The following KIRREL3 variants were observed in gnomAD, a reference collection of about 807,000 sequenced individuals.
The protein encoded by KIRREL3 is kin of IRRE-like protein 3.
In KIRREL3, 36 loss-of-function variants were observed where a neutral mutation model predicts 89.7. That is an observed-to-expected ratio of 0.40 (90% confidence interval 0.31 to 0.53). KIRREL3 has a LOEUF of 0.53. Among genes scored for constraint, KIRREL3 ranks in the 20% least tolerant of loss-of-function variants. The pLI is 0.49. For missense variants in KIRREL3, 864 were observed against 1,056.6 expected, an observed-to-expected ratio of 0.82 and a Z score of 2.53; for synonymous variants, 445 against 441.4, an observed-to-expected ratio of 1.01 and a Z score of -0.10.
intron 1 of KIRREL3, among the ~76,000 whole-genome samples, chr11:126,631,905 C>T (rs934642946): frequency 2.6e-5 from 4 of 152,290 alleles, no homozygotes; most frequent in Non-Finnish European, 5.9e-5. Context: ...CCTTGCCTCA[C>T]TTTTCTCATT....
In KIRREL3 at chr11:126,561,779, T is replaced by C. The variant is rs148685131; in HGVS notation, c.133+1056A>G. On this transcript the variant is annotated intron_variant, in intron 2 of 16. Coordinates refer to ENST00000525144, the MANE Select transcript of KIRREL3 (RefSeq NM_032531.4). The surrounding 1 kb of genome is among the most constrained non-coding windows in gnomAD (Gnocchi z 4.5). ...CCTAACTCTTGTCAGATTGTCACCA[T>C]GATGGGTGCTGGAAACAGGTCCACA... is the stretch of plus-strand genomic sequence containing the variant. Among the ~76,000 whole-genome samples, 54 of 152,264 alleles carry C rather than the reference T, an allele frequency of 3.5e-4. No homozygotes were observed. Among genetic ancestry groups the C allele is most frequent in the Middle Eastern group, 3.4e-3 (1 of 294 alleles).
In KIRREL3 at chr11:126,445,055, G is replaced by A. The variant is rs373178047; in HGVS notation, c.1176C>T (p.Asp392=). ...TLTLKSVRQE[D]AGKYVCRAVV... ...CAGCCCGGCACACGTACTTGCCCGC[G>A]TCCTCCTGGCGCACGGATTTGAGGG... Residue 392 remains aspartate (D), a synonymous_variant, in exon 10 of 17, where the codon GAC becomes GAT. Coordinates refer to ENST00000525144, the MANE Select transcript of KIRREL3 (RefSeq NM_032531.4). 5.1e-5 allele frequency: 83 copies of A among 1,613,864 alleles called. No homozygotes were observed. The Admixed American group carries it at 1.2e-3, about 23-fold the overall frequency.
In KIRREL3 at chr11:126,773,460, C is replaced by T. The variant is rs1950079689; in HGVS notation, c.56-210548G>A. ...CCCTGCAGATTTTGGACTTACCAGT[C>T]TCCATCGTTGTGTGAGCCAGTCCCT... is the stretch of plus-strand genomic sequence containing the variant. On this transcript the variant is annotated intron_variant, in intron 1 of 16. Transcript: ENST00000525144. This position sits in a 1 kb window ranked among gnomAD's most constrained non-coding sequence, Gnocchi z 4.2. Among the ~76,000 whole-genome samples the T allele has an allele frequency of 6.6e-6, 1 of 152,198 alleles. No individual in the cohort carries two copies. Among genetic ancestry groups the T allele is most frequent in the South Asian group, 2.1e-4 (1 of 4,834 alleles).
chr11:126,915,769 T>A (rs1947013560), intron 1 of KIRREL3, among the ~76,000 whole-genome samples: 2 of 152,218 alleles, frequency 1.3e-5, no homozygotes, highest in African/African-American at 2.4e-5. Context: ...AGTCAACCCA[T>A]TCTTTGTTAT....
In KIRREL3 at chr11:126,867,920, A is replaced by G. The variant is rs2134652084; in HGVS notation, c.55+132535T>C. Among the ~76,000 whole-genome samples the G allele has an allele frequency of 6.6e-6, 1 of 152,162 alleles. No homozygotes were observed. The highest frequency in any genetic ancestry group is 1.9e-4 in the East Asian group (1 of 5,168). On this transcript the variant is annotated intron_variant, in intron 1 of 16. Coordinates refer to ENST00000525144, the MANE Select transcript of KIRREL3 (RefSeq NM_032531.4). This position sits in a 1 kb window ranked among gnomAD's most constrained non-coding sequence, Gnocchi z 4.7. ...ATATCTGTATCCCCTACAGCACCTA[A>G]CCTCAGAGCTAGACATGCAATAGGC...
In KIRREL3 at chr11:126,437,033, A is replaced by G. The variant is rs1474355654; in HGVS notation, c.1354-24T>C. On this transcript the variant is annotated intron_variant, in intron 11 of 16. Transcript: ENST00000525144. ...GCCTGCCCGGGGGCGCAGAATCAGGAGGAGACCCCACCAGAGGGGCCCAGG... is the reference window on the plus strand; with the variant it reads ...GCCTGCCCGGGGGCGCAGAATCAGGGGGAGACCCCACCAGAGGGGCCCAGG... 2.7e-6 allele frequency: 4 copies of G among 1,495,472 alleles called. No homozygotes were observed. In the South Asian group the frequency reaches 4.0e-5, roughly 15 times the overall value. 92.6% of individuals were successfully genotyped at this position (1,495,472 alleles called of 1,614,324 possible).
At position 126,744,062 on chromosome 11, in the gene KIRREL3, G is replaced by A. The variant is rs188402082; in HGVS notation, c.56-181150C>T. Among the ~76,000 whole-genome samples, 775 of 152,256 alleles carry A rather than the reference G, an allele frequency of 5.1e-3. 6 individuals are homozygous for A. The highest frequency in any genetic ancestry group is 0.017 in the African/African-American group (707 of 41,528). ...AATTTTGATAAGCAGAAAAGAAGAGGAGCAGAAAATGTTCCAGAAAGTTGG... is the reference window on the plus strand; with the variant it reads ...AATTTTGATAAGCAGAAAAGAAGAGAAGCAGAAAATGTTCCAGAAAGTTGG... On this transcript the variant is annotated intron_variant, in intron 1 of 16. Transcript: ENST00000525144. This position sits in a 1 kb window ranked among gnomAD's most constrained non-coding sequence, Gnocchi z 4.7.
chr11:126,571,758 G>A lies in KIRREL3; in HGVS notation c.56-8846C>T, dbSNP rs1356700184. The stretch of plus-strand genomic sequence containing the variant: ...TTCCAGTATAATCCGTTTGTGAGAG[G>A]GGTGGGGCGGGGGGATGTTAAATAA... On this transcript the variant is annotated intron_variant, in intron 1 of 16. Coordinates refer to ENST00000525144, the MANE Select transcript of KIRREL3 (RefSeq NM_032531.4). The surrounding 1 kb of genome is among the most constrained non-coding windows in gnomAD (Gnocchi z 7.7). Among the ~76,000 whole-genome samples, 2 of 152,184 alleles carry A rather than the reference G, an allele frequency of 1.3e-5. No homozygotes were observed. Among genetic ancestry groups the A allele is most frequent in the African/African-American group, 2.4e-5 (1 of 41,452 alleles).
intron 1 of KIRREL3, among the ~76,000 whole-genome samples, chr11:126,702,969 C>A (rs988512229): frequency 6.6e-6 from 1 of 152,242 alleles, no homozygotes; most frequent in Non-Finnish European, 1.5e-5. Flanking sequence ...TCTGGCTGGG[C>A]CCCTGAGGGC....
chr11:126,984,235 T>C (rs1395439689), intron 1 of KIRREL3, among the ~76,000 whole-genome samples: 1 of 152,176 alleles, frequency 6.6e-6, no homozygotes, highest in Non-Finnish European at 1.5e-5. Flanking sequence ...AGGTATTCTC[T>C]CTGGAGATTC....
intron 1 of KIRREL3, among the ~76,000 whole-genome samples, chr11:126,853,304 C>T (rs1329258287): frequency 2.0e-5 from 3 of 152,142 alleles, no homozygotes; most frequent in Non-Finnish European, 4.4e-5. Flanking sequence ...GGAAACTTGG[C>T]TTTCCAAACA....
rs1046303352 is a variant in KIRREL3, at chr11:126,608,519, G to A, written c.56-45607C>T. 1.1e-4 allele frequency among the ~76,000 whole-genome samples: 16 copies of A among 150,572 alleles called. No homozygotes were observed. The highest frequency in any genetic ancestry group is 2.5e-5 in the African/African-American group (1 of 40,032). ...TCCTCCAGTGCGTTCCCAGGCAGGTGTTTTGAGAAACTCCCCTCCTCTTCC... is the reference window on the plus strand; with the variant it reads ...TCCTCCAGTGCGTTCCCAGGCAGGTATTTTGAGAAACTCCCCTCCTCTTCC... On this transcript the variant is annotated intron_variant, in intron 1 of 16. Coordinates refer to ENST00000525144, the MANE Select transcript of KIRREL3 (RefSeq NM_032531.4). This position sits in a 1 kb window ranked among gnomAD's most constrained non-coding sequence, Gnocchi z 4.9.
At chr11:126,790,591 C>T (rs749671002) in intron 1 of KIRREL3, among the ~76,000 whole-genome samples, 10 of 152,188 alleles carry the variant, frequency 6.6e-5, no homozygotes, top group Non-Finnish European at 1.0e-4. Context: ...CCATGTGATC[C>T]ATTATTTTTT....
rs1255467743 is a variant in KIRREL3, at chr11:126,766,522, G to A, written c.56-203610C>T. On this transcript the variant is annotated intron_variant, in intron 1 of 16. Coordinates refer to ENST00000525144, the MANE Select transcript of KIRREL3 (RefSeq NM_032531.4). The surrounding 1 kb of genome is among the most constrained non-coding windows in gnomAD (Gnocchi z 4.2). Reference sequence around the variant, plus strand: ...GCACACAACCGCGTGTTGCTAACTCGGCAAACAGGTTTCCAGGGCAGGTGG... The same window carrying A: ...GCACACAACCGCGTGTTGCTAACTCAGCAAACAGGTTTCCAGGGCAGGTGG... 1.3e-5 allele frequency among the ~76,000 whole-genome samples: 2 copies of A among 151,908 alleles called. No homozygotes were observed. Among genetic ancestry groups the A allele is most frequent in the African/African-American group, 4.8e-5 (2 of 41,338 alleles).
intron 1 of KIRREL3, among the ~76,000 whole-genome samples, chr11:126,672,034 A>C: frequency 6.6e-6 from 1 of 152,248 alleles, no homozygotes; most frequent in East Asian, 1.9e-4. Context: ...GATGTTCTCC[A>C]GTAGGTGAAT....
In KIRREL3 at chr11:126,513,484, G is replaced by T. The variant is rs530334553; in HGVS notation, c.433+7831C>A. Among the ~76,000 whole-genome samples, 1 of 152,184 alleles carries T rather than the reference G, an allele frequency of 6.6e-6. No homozygotes were observed. The highest frequency in any genetic ancestry group is 1.5e-5 in the Non-Finnish European group (1 of 68,034). On this transcript the variant is annotated intron_variant, in intron 4 of 16. Transcript: ENST00000525144. This position sits in a 1 kb window ranked among gnomAD's most constrained non-coding sequence, Gnocchi z 5.9. Reference sequence around the variant, plus strand: ...CCACACTCAGGCAGGGAAGGGAAAAGATGCGCTGAGTTTGCCTCCATCCCT... The same window carrying T: ...CCACACTCAGGCAGGGAAGGGAAAATATGCGCTGAGTTTGCCTCCATCCCT...
chr11:126,825,688 C>T (rs962624182), intron 1 of KIRREL3, among the ~76,000 whole-genome samples: 1 of 152,192 alleles, frequency 6.6e-6, no homozygotes, highest in Non-Finnish European at 1.5e-5. Flanking sequence ...TCTTTTTCCA[C>T]CATCCAGGTT....
chr11:126,728,438 G>A (rs910213706), intron 1 of KIRREL3, among the ~76,000 whole-genome samples: 1 of 152,174 alleles, frequency 6.6e-6, no homozygotes, highest in African/African-American at 2.4e-5. Flanking sequence ...TTTCCCACAG[G>A]AGTGTAGGCT....
At chr11:126,902,040 C>G (rs911729853) in intron 1 of KIRREL3, among the ~76,000 whole-genome samples, 5 of 152,180 alleles carry the variant, frequency 3.3e-5, no homozygotes, top group African/African-American at 1.2e-4. Context: ...ACTAACACCC[C>G]CTAGGTGTTA....
Sources: allele counts gnomAD v4.1 joint callset (sites outside exome capture counted in the v4.1 genomes callset), GRCh38; gene constraint gnomAD v4.1.1; non-coding constraint Gnocchi (gnomAD v3.1); transcripts MANE v1.5; gene names NCBI Gene and HGNC (gene_info 2026-07-23, HGNC 2026-07-21).